PPM1A: variants seen among roughly 807,000 people sequenced by gnomAD.
PPM1A encodes protein phosphatase, Mg2+/Mn2+ dependent 1A.
In PPM1A, 7 loss-of-function variants were observed where a neutral mutation model predicts 35.0. That is an observed-to-expected ratio of 0.20 (90% CI 0.11 to 0.38). The LOEUF (loss-of-function observed/expected upper bound fraction) is 0.38. PPM1A is among the 10% of genes least tolerant of loss of function. PPM1A has a pLI of 1.00. For synonymous variants in PPM1A, 153 were observed against 167.3 expected, an observed-to-expected ratio of 0.91 and a Z score of 0.66; for missense variants, 239 against 467.8, an observed-to-expected ratio of 0.51 and a Z score of 4.51.
At position 60,294,167 on chromosome 14, in the gene PPM1A, A is replaced by G. The variant is rs1395989170; in HGVS notation, c.*1685A>G. ...GTATATATAGCCTTAAAATTAATGT[A>G]AAGTTAGGGGAGTAGTGGGGAAAGT... On this transcript the variant is annotated 3_prime_UTR_variant, in exon 6 of 6. Coordinates refer to ENST00000395076, the MANE Select transcript of PPM1A (RefSeq NM_021003.5). The G allele has an allele frequency of 6.6e-6, 1 of 151,932 alleles. No individual in the cohort carries two copies. Among genetic ancestry groups the G allele is most frequent in the Admixed American group, 6.6e-5 (1 of 15,224 alleles). The allele number at this position is 151,932 out of a possible 1,614,324, so 9.4% of individuals were successfully genotyped here. A position where few individuals can be genotyped will look rare whatever the true frequency, so the allele number is the denominator to read the frequency against.
rs1005891988 is a variant in PPM1A at position 60,296,531 on chromosome 14, C to A, written c.*4049C>A. On this transcript the variant is annotated 3_prime_UTR_variant, in exon 6 of 6. Transcript: ENST00000395076. The surrounding 1 kb of genome is among the most constrained non-coding windows in gnomAD (Gnocchi z 4.4). ...TCACAGAAACTGCTGGTGAGATTAC[C>A]ATTTTTTGAGTATCTAGTCTTCTAG... 6.5e-6 allele frequency: 2 copies of A among 305,702 alleles called. No homozygotes were observed. The highest frequency in any genetic ancestry group is 1.2e-5 in the Non-Finnish European group (2 of 165,534). The allele number at this position is 305,702 out of a possible 1,614,324, so 18.9% of individuals were successfully genotyped here.
chr14:60,264,081 T>G (rs985332123), intron 1 of PPM1A, among the ~76,000 whole-genome samples: 7 of 152,186 alleles, frequency 4.6e-5, no homozygotes, highest in African/African-American at 1.7e-4. Context: ...TCCACTTTTC[T>G]TCTTGCTGAA....
intron 1 of PPM1A, among the ~76,000 whole-genome samples, chr14:60,266,219 C>T (rs1884365502): frequency 6.6e-6 from 1 of 152,064 alleles, no homozygotes; most frequent in South Asian, 2.1e-4. Context: ...TTGCCCATTT[C>T]TTTTCCTTTA....
upstream of PPM1A, among the ~76,000 whole-genome samples, chr14:60,247,027 G>A (rs1021833969): frequency 1.3e-5 from 2 of 152,214 alleles, no homozygotes; most frequent in Non-Finnish European, 2.9e-5. Flanking sequence ...ACCGTCACTA[G>A]TGACCCAGCT....
intron 1 of PPM1A, among the ~76,000 whole-genome samples, chr14:60,269,955 G>A (rs781078268): frequency 9.9e-5 from 15 of 152,090 alleles, no homozygotes; most frequent in African/African-American, 1.9e-4. Flanking sequence ...CTTGATAAAC[G>A]CCATTCAATC....
intron 3 of PPM1A, 28 bp downstream of exon 3, chr14:60,285,769 C>T (rs754564243): frequency 1.8e-5 from 28 of 1,598,628 alleles, no homozygotes; most frequent in Non-Finnish European, 1.7e-5. Flanking sequence ...AAATAAGTAG[C>T]TTTATTAAAG....
At position 60,298,785 on chromosome 14, in the gene PPM1A, AAT is replaced by A. The variant is rs1317804810; in HGVS notation, c.*6306_*6307del. 1 of 151,830 alleles carries A rather than the reference AAT, an allele frequency of 6.6e-6. No individual in the cohort carries two copies. The highest frequency in any genetic ancestry group is 1.9e-4 in the East Asian group (1 of 5,200). 9.4% of individuals were successfully genotyped at this position (151,830 alleles called of 1,614,324 possible). ...ATGTTAAGAATAATATAATTGCAGA[AAT>A]ATTTTTCTTAAATACAATGTGTAAC... On this transcript the variant is annotated 3_prime_UTR_variant, in exon 6 of 6. Transcript: ENST00000395076.
In PPM1A at chr14:60,283,657, C is replaced by G; in HGVS notation, c.834+120C>G. ...CAGTTTTTGGCACAACTGTAGGATA[C>G]TGTTCACCAATTATGAAAATATATC... is the stretch of plus-strand genomic sequence containing the variant. On this transcript the variant is annotated intron_variant, in intron 2 of 5. Coordinates refer to ENST00000395076, the MANE Select transcript of PPM1A (RefSeq NM_021003.5). The surrounding 1 kb of genome is among the most constrained non-coding windows in gnomAD (Gnocchi z 6.3). 2.1e-6 allele frequency: 2 copies of G among 940,566 alleles called. No homozygotes were observed. The highest frequency in any genetic ancestry group is 2.6e-5 in the East Asian group (1 of 39,000). The allele number at this position is 940,566 out of a possible 1,614,324, so 58.3% of individuals were successfully genotyped here. A position where few individuals can be genotyped will look rare whatever the true frequency, so the allele number is the denominator to read the frequency against.
chr14:60,277,209 C>T, intron 1 of PPM1A: 1 of 210,586 alleles, frequency 4.7e-6, no homozygotes, highest in Non-Finnish European at 9.0e-6. Context: ...AAATAAAATA[C>T]TCTTTATTAG....
At chr14:60,278,312 G>A (rs774040381) in intron 1 of PPM1A, among the ~76,000 whole-genome samples, 22 of 149,954 alleles carry the variant, frequency 1.5e-4, no homozygotes, top group Non-Finnish European at 1.8e-4. Flanking sequence ...CATGGTTTGC[G>A]GTTTGCTTTT....
chr14:60,286,520 A>G (rs988210385), intron 3 of PPM1A: 9 of 984,856 alleles, frequency 9.1e-6, no homozygotes, highest in African/African-American at 1.8e-5. Context: ...GCTGAGGTAG[A>G]AAAAAAACAA....
Position 60,292,730 on chromosome 14 carries a change from G to C in PPM1A, c.*248G>C. The stretch of plus-strand genomic sequence containing the variant: ...AATTCGTGTTGTAAATCAGACTCCA[G>C]CAATTTTTGTTGTATGATTTTGTTT... On this transcript the variant is annotated 3_prime_UTR_variant, in exon 6 of 6. Transcript: ENST00000395076. This position sits in a 1 kb window ranked among gnomAD's most constrained non-coding sequence, Gnocchi z 4.2. The C allele has an allele frequency of 2.7e-6, 1 of 369,186 alleles. No homozygotes were observed. The highest frequency in any genetic ancestry group is 4.8e-6 in the Non-Finnish European group (1 of 206,642). 22.9% of individuals were successfully genotyped at this position (369,186 alleles called of 1,614,324 possible).
intron 1 of PPM1A, among the ~76,000 whole-genome samples, chr14:60,257,268 A>G (rs1478921129): frequency 6.6e-6 from 1 of 152,228 alleles, no homozygotes; most frequent in Non-Finnish European, 1.5e-5. Flanking sequence ...TTTACAATAG[A>G]GATTATACTA....
chr14:60,266,314 A>G (rs1884376391), intron 1 of PPM1A, among the ~76,000 whole-genome samples: 1 of 152,164 alleles, frequency 6.6e-6, no homozygotes, highest in African/African-American at 2.4e-5. Flanking sequence ...CAGATGCTTA[A>G]AAGACGTTTG....
Position 60,282,951 on chromosome 14 carries a change from A to C in PPM1A, c.248A>C (p.Gln83Pro). 6.2e-7 allele frequency: 1 copy of C among 1,614,264 alleles called. No individual in the cohort carries two copies. The highest frequency in any genetic ancestry group is 1.1e-5 in the South Asian group (1 of 91,088). The change falls in exon 2 of 6, where the codon CAG becomes CCG. Residue 83 changes from glutamine (Q) to proline (P), a missense_variant. Coordinates refer to ENST00000395076, the MANE Select transcript of PPM1A (RefSeq NM_021003.5). This position sits in a 1 kb window ranked among gnomAD's most constrained non-coding sequence, Gnocchi z 5.1. The part of the protein sequence containing the change: ...EHLLDHITNN[Q>P]DFKGSAGAPS... Reference sequence around the variant, plus strand: ...TTGTTAGATCACATCACCAATAACCAGGATTTTAAAGGGTCTGCAGGAGCA... The same window carrying C: ...TTGTTAGATCACATCACCAATAACCCGGATTTTAAAGGGTCTGCAGGAGCA...
chr14:60,267,132 G>C (rs1180042536), intron 1 of PPM1A: 1 of 151,920 alleles, frequency 6.6e-6, no homozygotes, highest in Non-Finnish European at 1.5e-5. Context: ...GCAAATAGTT[G>C]ATCTCCTTAT....
At chr14:60,265,788 C>T (rs374110162) in intron 1 of PPM1A, among the ~76,000 whole-genome samples, 14 of 152,168 alleles carry the variant, frequency 9.2e-5, no homozygotes, top group East Asian at 3.9e-4. Context: ...AAGGGCAAGA[C>T]GGGGCCAGAC....
intron 2 of PPM1A, among the ~76,000 whole-genome samples, chr14:60,284,424 G>A (rs1301573884): frequency 6.6e-6 from 1 of 152,012 alleles, no homozygotes; most frequent in Non-Finnish European, 1.5e-5. Context: ...GGCGGATCAC[G>A]AGGTCAGGAG....
intron 1 of PPM1A, among the ~76,000 whole-genome samples, chr14:60,280,783 T>G (rs1566596008): frequency 1.3e-5 from 2 of 152,240 alleles, no homozygotes; most frequent in Non-Finnish European, 2.9e-5. Flanking sequence ...TATGAAAATT[T>G]AAAAATCATA....
Sources: allele counts gnomAD v4.1 joint callset (sites outside exome capture counted in the v4.1 genomes callset), GRCh38; gene constraint gnomAD v4.1.1; non-coding constraint Gnocchi (gnomAD v3.1); transcripts MANE v1.5; gene names NCBI Gene and HGNC (gene_info 2026-07-23, HGNC 2026-07-21).